Variants in KNL1 observed in about 807,000 individuals in gnomAD.
KNL1 encodes kinetochore scaffold 1.
KNL1 carries 66 observed loss-of-function variants against 201.3 expected under a neutral mutation model. That is an observed-to-expected ratio of 0.33 (90% confidence interval 0.27 to 0.40). KNL1 has a LOEUF of 0.40. KNL1 is among the 10% of genes least tolerant of loss of function. The pLI, the probability that KNL1 is intolerant of heterozygous loss-of-function variation, is 1.00. For missense variants in KNL1, 2,815 were observed against 2,690.5 expected, an observed-to-expected ratio of 1.05 and a Z score of -1.02; for synonymous variants, 895 against 899.2, an observed-to-expected ratio of 1.00 and a Z score of 0.08.
At chr15:40,596,935 G>A (rs1891635868) in intron 1 of KNL1, among the ~76,000 whole-genome samples, 2 of 149,422 alleles carry the variant, frequency 1.3e-5, no homozygotes, top group African/African-American at 4.9e-5. Context: ...GGGAGGCAGA[G>A]GTTGCAGTGA....
chr15:40,652,507 C>A (rs1454361482), intron 21 of KNL1, among the ~76,000 whole-genome samples: 4 of 147,806 alleles, frequency 2.7e-5, no homozygotes, highest in African/African-American at 1.0e-4. Flanking sequence ...CTGCAGCTCA[C>A]GCCTGTACTC....
Position 40,624,305 on chromosome 15 carries a change from T to C in KNL1, c.4041T>C (p.Ser1347=). The stretch of plus-strand genomic sequence containing the variant: ...TTGCTTATGCAAATGATTTTGCCAG[T>C]GAATATTACTTGGAATCTGAGGGAC... The part of the protein sequence containing the change: ...NDLAYANDFA[S]EYYLESEGQP... Residue 1347 remains serine, a synonymous_variant, in exon 10 of 26, where the codon AGT becomes AGC. Coordinates refer to ENST00000399668, the MANE Select transcript of KNL1 (RefSeq NM_144508.5). The C allele has an allele frequency of 1.2e-6, 2 of 1,614,086 alleles. No individual in the cohort carries two copies. The highest frequency in any genetic ancestry group is 1.7e-6 in the Non-Finnish European group (2 of 1,179,952).
intron 22 of KNL1, among the ~76,000 whole-genome samples, chr15:40,656,141 G>T (rs1242787810): frequency 6.6e-6 from 1 of 151,848 alleles, no homozygotes; most frequent in Admixed American, 6.6e-5. Context: ...ATTAAAGAAA[G>T]CCAGGATTGC....
chr15:40,626,144 A>T (rs977003316), intron 10 of KNL1: 5 of 151,998 alleles, frequency 3.3e-5, no homozygotes, highest in African/African-American at 9.7e-5. Context: ...TTATTATTTA[A>T]TTTTATTTTT....
intron 13 of KNL1, among the ~76,000 whole-genome samples, chr15:40,637,659 A>G (rs1348666680): frequency 6.6e-6 from 1 of 152,190 alleles, no homozygotes; most frequent in East Asian, 1.9e-4. Context: ...ACAGCCACAG[A>G]TAGTCCACAT....
rs1893984999 is a variant in KNL1, at chr15:40,663,984, T to A, written c.*1796T>A. On this transcript the variant is annotated 3_prime_UTR_variant, in exon 26 of 26. Transcript: ENST00000399668. The stretch of plus-strand genomic sequence containing the variant: ...TTTGCCATAAAAATCAAGATATAGA[T>A]GTTCTGTTCCGTAAACTCCTTGAAA... 1 of 187,570 alleles carries A rather than the reference T, an allele frequency of 5.3e-6. No individual in the cohort carries two copies. 11.6% of individuals were successfully genotyped at this position (187,570 alleles called of 1,614,324 possible). A position where few individuals can be genotyped will look rare whatever the true frequency, so the allele number is the denominator to read the frequency against.
At chr15:40,634,638 G>C (rs1893004107) in intron 13 of KNL1, among the ~76,000 whole-genome samples, 1 of 152,124 alleles carries the variant, frequency 6.6e-6, no homozygotes, top group Non-Finnish European at 1.5e-5. Flanking sequence ...CTCAGCTATA[G>C]ATAGGGAGGA....
chr15:40,653,808 C>T (rs980684590), intron 21 of KNL1, among the ~76,000 whole-genome samples: 7 of 152,172 alleles, frequency 4.6e-5, no homozygotes, highest in Non-Finnish European at 1.0e-4. Flanking sequence ...CATGGTGTTT[C>T]CTGCTCAGCC....
intron 8 of KNL1, among the ~76,000 whole-genome samples, chr15:40,616,537 C>G (rs1423262120): frequency 6.6e-6 from 1 of 152,186 alleles, no homozygotes; most frequent in Non-Finnish European, 1.5e-5. Flanking sequence ...ATTTTCAATT[C>G]TTCCTTTATG....
At chr15:40,617,525 A>G (rs1382262659) in intron 8 of KNL1, among the ~76,000 whole-genome samples, 1 of 152,102 alleles carries the variant, frequency 6.6e-6, no homozygotes, top group Non-Finnish European at 1.5e-5. Context: ...TTATCTCGTT[A>G]TGAATAGGTA....
rs1382050569 is a variant in KNL1, at chr15:40,624,745, A to G, written c.4481A>G (p.Asn1494Ser). ...TGTGAAAACAAGCCCAAAATACTCA[A>G]TAGTGAGGAATGGTTTGCTGCAGCC... Reference protein sequence around the residue: ...PICENKPKILNSEEWFAAACK... With the variant: ...PICENKPKILSSEEWFAAACK... Residue 1494 changes from asparagine to serine, a missense_variant, in exon 10 of 26, where the codon AAT becomes AGT. Coordinates refer to ENST00000399668, the MANE Select transcript of KNL1 (RefSeq NM_144508.5). 5 of 1,613,916 alleles carry G rather than the reference A, an allele frequency of 3.1e-6. No homozygotes were observed. Among genetic ancestry groups the G allele is most frequent in the East Asian group, 2.2e-5 (1 of 44,858 alleles).
Position 40,620,984 on chromosome 15 carries a change from G to C in KNL1, c.720G>C (p.Glu240Asp), listed in dbSNP as rs1427779354. The change falls in exon 10 of 26, where the codon GAG becomes GAC. Residue 240 changes from glutamate (E) to aspartate (D), a missense_variant. Transcript: ENST00000399668. ...FPDVPDKENF[E>D]IPIYSKEPNS... ...ATGTGCCTGATAAAGAAAATTTTGA[G>C]ATACCTATTTATTCCAAGGAACCGA... 6.2e-7 allele frequency: 1 copy of C among 1,604,410 alleles called. No homozygotes were observed.
rs564244258 is a variant in KNL1, at chr15:40,625,257, G to A, written c.4993G>A (p.Val1665Ile). ...ATTGCCCAACAAGAGAAATTGTAGT[G>A]TCACTGGTATTGATGACCTGGAACA... The part of the protein sequence containing the change: ...PRLPNKRNCS[V>I]TGIDDLEQIP... Residue 1665 changes from valine to isoleucine, a missense_variant, in exon 10 of 26, where the codon GTC becomes ATC. Transcript: ENST00000399668. The A allele has an allele frequency of 1.1e-4, 181 of 1,614,050 alleles. No individual in the cohort carries two copies. The South Asian group carries it at 1.8e-3, about 16-fold the overall frequency.
rs1243032785 is a variant in KNL1, at chr15:40,629,366, G to A, written c.5677G>A (p.Gly1893Ser). 2 of 1,591,484 alleles carry A rather than the reference G, an allele frequency of 1.3e-6. No homozygotes were observed. Among genetic ancestry groups the A allele is most frequent in the Non-Finnish European group, 1.7e-6 (2 of 1,172,842 alleles). The change falls in exon 13 of 26, where the codon GGC (glycine) becomes AGC (serine). Residue 1893 changes from glycine to serine, a missense_variant. Coordinates refer to ENST00000399668, the MANE Select transcript of KNL1 (RefSeq NM_144508.5). ...IQKPRQSNLP[G>S]NFTVNTPPTP... ...GAAACCCCGACAGAGCAATCTCCCA[G>A]GCAATGTAAGTGCAGTTTCTTGGCA...
chr15:40,617,226 C>T (rs574924829), intron 8 of KNL1, among the ~76,000 whole-genome samples: 12 of 152,208 alleles, frequency 7.9e-5, no homozygotes, highest in Non-Finnish European at 1.3e-4. Context: ...GGATTACAGG[C>T]GTGAGCCTCC....
chr15:40,608,696 G>A, intron 4 of KNL1, 151 bp from the exon 5 acceptor site: 1 of 527,924 alleles, frequency 1.9e-6, no homozygotes, highest in Non-Finnish European at 3.3e-6. Context: ...GGTGAGCCAA[G>A]ATCACACCGT....
intron 12 of KNL1, 45 bp from the exon 13 acceptor site, chr15:40,629,228 G>T: frequency 9.0e-7 from 1 of 1,111,832 alleles, no homozygotes; most frequent in South Asian, 1.4e-5. Context: ...ATATCAAAGT[G>T]AAATCACATT....
At chr15:40,609,223 C>G (rs1892076012) in intron 5 of KNL1, among the ~76,000 whole-genome samples, 1 of 139,278 alleles carries the variant, frequency 7.2e-6, no homozygotes, top group Admixed American at 7.7e-5. Context: ...GCCCAAGCAA[C>G]TTAGCGAGAT....
intron 7 of KNL1, among the ~76,000 whole-genome samples, chr15:40,614,792 G>C (rs1309132236): frequency 6.6e-6 from 1 of 152,096 alleles, no homozygotes; most frequent in Non-Finnish European, 1.5e-5. Flanking sequence ...ACACTTGAGT[G>C]GTTTCTTTCA....
Sources: allele counts gnomAD v4.1 joint callset (sites outside exome capture counted in the v4.1 genomes callset), GRCh38; gene constraint gnomAD v4.1.1; transcripts MANE v1.5; gene names NCBI Gene and HGNC (gene_info 2026-07-23, HGNC 2026-07-21).